Variants in SRGAP1 observed in about 807,000 individuals in gnomAD.
SRGAP1 encodes SLIT-ROBO Rho GTPase-activating protein 1.
SRGAP1 carries 43 observed loss-of-function variants against 121.9 expected under a neutral mutation model. The observed-to-expected ratio is 0.35, with a 90% CI of 0.28 to 0.46. The LOEUF is 0.46. SRGAP1 is among the 20% of genes least tolerant of loss of function. The pLI, the probability that SRGAP1 is intolerant of heterozygous loss-of-function variation, is 1.00. For synonymous variants in SRGAP1, 447 were observed against 485.4 expected, an observed-to-expected ratio of 0.92 and a Z score of 1.04; for missense variants, 1,102 against 1,350.9, an observed-to-expected ratio of 0.82 and a Z score of 2.89.
chr12:64,031,623 A>G (rs2034782543), intron 4 of SRGAP1, among the ~76,000 whole-genome samples: 1 of 152,030 alleles, frequency 6.6e-6, no homozygotes, highest in African/African-American at 2.4e-5. Context: ...TTCATATACT[A>G]CTCCTAAATG....
chr12:63,915,758 G>A (rs780441365), intron 1 of SRGAP1, among the ~76,000 whole-genome samples: 150 of 152,228 alleles, frequency 9.9e-4, no homozygotes, highest in Non-Finnish European at 1.5e-3. Flanking sequence ...GCATTTATTA[G>A]AAAGATAAAG....
intron 21 of SRGAP1, among the ~76,000 whole-genome samples, chr12:64,132,746 T>C (rs2036804368): frequency 6.6e-6 from 1 of 152,230 alleles, no homozygotes; most frequent in South Asian, 2.1e-4. Flanking sequence ...ATGTCATCAA[T>C]GTAATGGACC....
Position 64,143,177 on chromosome 12 carries a change from G to A in SRGAP1, c.*505G>A, listed in dbSNP as rs2036995464. 1 of 158,312 alleles carries A rather than the reference G, an allele frequency of 6.3e-6. No individual in the cohort carries two copies. The highest frequency in any genetic ancestry group is 1.8e-4 in the South Asian group (1 of 5,418). 9.8% of individuals were successfully genotyped at this position (158,312 alleles called of 1,614,324 possible). Reference sequence around the variant, plus strand: ...GGGGTTTAGCTCATGCAAAAGACTTGCAATTGTCTCCATGGGACGATCCCA... The same window carrying A: ...GGGGTTTAGCTCATGCAAAAGACTTACAATTGTCTCCATGGGACGATCCCA... On this transcript the variant is annotated 3_prime_UTR_variant, in exon 22 of 22. Transcript: ENST00000355086.
chr12:64,060,350 G>C (rs2136533229), intron 6 of SRGAP1, among the ~76,000 whole-genome samples: 1 of 151,848 alleles, frequency 6.6e-6, no homozygotes, highest in East Asian at 1.9e-4. Flanking sequence ...TAGGACCACA[G>C]CACCCACCCC....
At chr12:63,912,237 G>T (rs2030534550) in intron 1 of SRGAP1, among the ~76,000 whole-genome samples, 1 of 152,124 alleles carries the variant, frequency 6.6e-6, no homozygotes, top group South Asian at 2.1e-4. Context: ...GCCCTGTGAG[G>T]TAGGTACTGA....
intron 18 of SRGAP1, among the ~76,000 whole-genome samples, chr12:64,121,828 C>G (rs982275203): frequency 5.8e-5 from 7 of 119,906 alleles, no homozygotes; most frequent in African/African-American, 1.9e-4. Context: ...TGACCATGTT[C>G]ACCTGATTTT....
intron 1 of SRGAP1, among the ~76,000 whole-genome samples, chr12:63,980,752 C>T (rs1265987747): frequency 6.6e-6 from 1 of 151,962 alleles, no homozygotes; most frequent in African/African-American, 2.4e-5. Context: ...TGCCACCACT[C>T]CCGGCTAATT....
At position 64,080,508 on chromosome 12, in the gene SRGAP1, A is replaced by G. The variant is rs112053576; in HGVS notation, c.1408+138A>G. ...TGTGTTTAGATTTGGTTTTGTTTGT[A>G]TATGTCATGATTAAGTTCTCCTGGC... On this transcript the variant is annotated intron_variant, in intron 10 of 21. Coordinates refer to ENST00000355086, the MANE Select transcript of SRGAP1 (RefSeq NM_020762.4). The G allele has an allele frequency of 1.3e-3, 992 of 788,240 alleles. 7 individuals carry two copies. In the African/African-American group the frequency reaches 0.014, roughly 11 times the overall value. The allele number at this position is 788,240 out of a possible 1,614,324, so 48.8% of individuals were successfully genotyped here.
Position 64,146,728 on chromosome 12 carries a change from C to T in SRGAP1, c.*4056C>T, listed in dbSNP as rs1427318661. ...TCTACCCAGGCGTAAATAGAGCTCC[C>T]TACTCCAGACCACCTGCCACCCACC... On this transcript the variant is annotated 3_prime_UTR_variant, in exon 22 of 22. Coordinates refer to ENST00000355086, the MANE Select transcript of SRGAP1 (RefSeq NM_020762.4). 1 of 152,118 alleles carries T rather than the reference C, an allele frequency of 6.6e-6. No homozygotes were observed. The highest frequency in any genetic ancestry group is 2.4e-5 in the African/African-American group (1 of 41,396). 9.4% of individuals were successfully genotyped at this position (152,118 alleles called of 1,614,324 possible).
At chr12:63,904,607 G>A (rs2030109643) in intron 1 of SRGAP1, among the ~76,000 whole-genome samples, 1 of 152,074 alleles carries the variant, frequency 6.6e-6, no homozygotes, top group Non-Finnish European at 1.5e-5. Flanking sequence ...AAGTAACATG[G>A]TCACATGTTC....
chr12:63,996,048 TA>T (rs536561530), intron 3 of SRGAP1, among the ~76,000 whole-genome samples: 71 of 151,684 alleles, frequency 4.7e-4, no homozygotes, highest in South Asian at 3.3e-3. Context: ...TACCATAAGT[TA>T]AAAGCATCTG....
chr12:63,906,400 C>T (rs529406011), intron 1 of SRGAP1, among the ~76,000 whole-genome samples: 43 of 149,442 alleles, frequency 2.9e-4, no homozygotes, highest in South Asian at 8.6e-4. Flanking sequence ...CTGCAAGCTC[C>T]GCCTCCTGGG....
intron 2 of SRGAP1, among the ~76,000 whole-genome samples, chr12:63,987,250 ACT>A (rs1396447169): frequency 2.0e-5 from 3 of 152,150 alleles, no homozygotes; most frequent in African/African-American, 7.2e-5. Flanking sequence ...TCTGGTTCTT[ACT>A]CAGTTTTGGG....
Position 64,157,688 on chromosome 12 carries a change from T to C in SRGAP1, c.*15016T>C, listed in dbSNP as rs1429484651. The C allele has an allele frequency of 6.6e-6, 1 of 152,118 alleles. No individual in the cohort carries two copies. The highest frequency in any genetic ancestry group is 2.4e-5 in the African/African-American group (1 of 41,404). The allele number at this position is 152,118 out of a possible 1,614,324, so 9.4% of individuals were successfully genotyped here. On this transcript the variant is annotated 3_prime_UTR_variant, in exon 22 of 22. Transcript: ENST00000355086. ...GTGTGGGGGCAATAAAGAGGCCAGA[T>C]AATAGTAGTTAAATGTGGGGCTCTG...
chr12:63,929,891 A>G (rs928297851), intron 1 of SRGAP1, among the ~76,000 whole-genome samples: 1 of 152,202 alleles, frequency 6.6e-6, no homozygotes, highest in Non-Finnish European at 1.5e-5. Flanking sequence ...AAGGGTATGA[A>G]CAGACACTTC....
chr12:63,991,380 T>C (rs1423066255), intron 3 of SRGAP1, among the ~76,000 whole-genome samples: 3 of 152,192 alleles, frequency 2.0e-5, no homozygotes, highest in African/African-American at 7.2e-5. Flanking sequence ...TGTATCCACA[T>C]TAGATTTGAT....
Position 64,063,114 on chromosome 12 carries a change from G to T in SRGAP1, c.999G>T (p.Glu333Asp). Residue 333 changes from glutamate (E) to aspartate (D), a missense_variant, in exon 7 of 22, where the codon GAG (glutamate) becomes GAT (aspartate). Physicochemically the swap from Glu to Asp is conservative, Grantham distance 45 (BLOSUM62 2). This residue lies in a region of SRGAP1 where 747 missense variants were observed against 929.4 expected (regional missense o/e 0.80). Transcript: ENST00000355086. The stretch of plus-strand genomic sequence containing the variant: ...CGTTCTGTCCACCAATGAAGTTTGA[G>T]TTTCAGTCTCACATGGGTGATGAGG... Reference protein sequence around the residue: ...PAAFCPPMKFEFQSHMGDEVC... With the variant: ...PAAFCPPMKFDFQSHMGDEVC... 6.2e-7 allele frequency: 1 copy of T among 1,613,564 alleles called. No individual in the cohort carries two copies. Among genetic ancestry groups the T allele is most frequent in the East Asian group, 2.2e-5 (1 of 44,846 alleles).
At chr12:63,887,111 T>G in intron 1 of SRGAP1, among the ~76,000 whole-genome samples, 1 of 151,322 alleles carries the variant, frequency 6.6e-6, no homozygotes, top group East Asian at 2.0e-4. Context: ...TGATCTCAGG[T>G]GATCCACCTG....
At chr12:64,037,148 G>C (rs148196002) in intron 4 of SRGAP1, among the ~76,000 whole-genome samples, 1 of 152,190 alleles carries the variant, frequency 6.6e-6, no homozygotes, top group Admixed American at 6.5e-5. Context: ...AGGAGGTGCT[G>C]GGGGACAGCA....
Sources: gnomAD v4.1 joint callset for allele counts (sites outside exome capture counted in the v4.1 genomes callset) on GRCh38, gnomAD v4.1.1 for gene constraint, gnomAD v4.1.1 regional missense constraint, MANE v1.5 for transcripts, NCBI Gene and HGNC (gene_info 2026-07-23, HGNC 2026-07-21) for gene names.